ACP3: variants seen among roughly 807,000 people sequenced by gnomAD.
The protein encoded by ACP3 is acid phosphatase 3, also known as prostatic acid phosphatase.
Under a neutral mutation model 45.6 loss-of-function variants are expected in ACP3, and 38 were observed. The ratio of observed to expected loss-of-function variants is 0.83; its 90% CI spans 0.64 to 1.09. The LOEUF (loss-of-function observed/expected upper bound fraction) is 1.09, where lower values mean the gene tolerates loss of function less well. Ranked by LOEUF, ACP3 falls within the 50% of genes least tolerant of loss-of-function variation. The pLI is 0.00. For missense variants in ACP3, 466 were observed against 463.2 expected (o/e 1.01, Z -0.05); for synonymous variants, 162 against 164.7 (o/e 0.98, Z 0.13).
At chr3:132,353,988 C>G (rs1191693982) in intron 9 of ACP3, among the ~76,000 whole-genome samples, 4 of 152,152 alleles carry the variant, frequency 2.6e-5, no homozygotes, top group Non-Finnish European at 5.9e-5. Context: ...TGAACTAGAA[C>G]TAAAATGTGG....
intron 10 of ACP3, among the ~76,000 whole-genome samples, chr3:132,367,395 T>C (rs1938148179): frequency 6.6e-6 from 1 of 152,314 alleles, no homozygotes; most frequent in African/African-American, 2.4e-5. Flanking sequence ...GGACAATTGG[T>C]AATATAACTG....
At chr3:132,328,153 A>G in intron 1 of ACP3, 114 bp from the exon 2 acceptor site, 1 of 710,996 alleles carries the variant, frequency 1.4e-6, no homozygotes, top group Non-Finnish European at 2.3e-6. Flanking sequence ...ACGTGATTAC[A>G]ATGGGAAGCC....
rs146296028 is a variant in ACP3, at chr3:132,367,878, G to A, written c.*56G>A. 4.1e-5 allele frequency: 53 copies of A among 1,288,434 alleles called. No individual in the cohort carries two copies. The East Asian group carries it at 1.1e-3, about 28-fold the overall frequency. 79.8% of individuals were successfully genotyped at this position (1,288,434 alleles called of 1,614,324 possible). On this transcript the variant is annotated 3_prime_UTR_variant, in exon 11 of 11. Coordinates refer to the ACP3 transcript ENST00000351273. The stretch of plus-strand genomic sequence containing the variant: ...CTGTGACACAGCATCTCTCAGTGGT[G>A]CCGCATCTAAAGGACAGGCTTTTGC...
intron 10 of ACP3, chr3:132,367,667 T>G (rs1938151958): frequency 6.7e-7 from 1 of 1,488,230 alleles, no homozygotes; most frequent in Non-Finnish European, 9.4e-7. Context: ...TCCTAATGCA[T>G]TAATTTTACA....
intron 8 of ACP3, among the ~76,000 whole-genome samples, chr3:132,350,485 A>G (rs1937702951): frequency 6.6e-6 from 1 of 152,218 alleles, no homozygotes; most frequent in Admixed American, 6.5e-5. Flanking sequence ...TCAATATGGA[A>G]CCTAGTAGCC....
downstream of ACP3, among the ~76,000 whole-genome samples, chr3:132,363,426 A>G (rs1315175406): frequency 6.6e-6 from 1 of 152,174 alleles, no homozygotes; most frequent in Non-Finnish European, 1.5e-5. Flanking sequence ...AAGCCATGAG[A>G]TTGCCTTGAC....
rs1259044594 is a variant in ACP3 at position 132,337,281 on chromosome 3, C to T, written c.457-175C>T. 3 of 496,938 alleles carry T rather than the reference C, an allele frequency of 6.0e-6. No homozygotes were observed. The Admixed American group carries it at 1.0e-4, about 17-fold the overall frequency. The allele number at this position is 496,938 out of a possible 1,614,324, so 30.8% of individuals were successfully genotyped here. A position where few individuals can be genotyped will look rare whatever the true frequency, so the allele number is the denominator to read the frequency against. ...AATACATATCCTACTATTTTAAGACCTATAGATCATTTGATTCTTTCTCCC... is the reference window on the plus strand; with the variant it reads ...AATACATATCCTACTATTTTAAGACTTATAGATCATTTGATTCTTTCTCCC... On this transcript the variant is annotated intron_variant, in intron 4 of 9. Transcript: ENST00000336375.
In ACP3 at chr3:132,357,805, G is replaced by A; in HGVS notation, c.*927G>A. On this transcript the variant is annotated 3_prime_UTR_variant, in exon 10 of 10. Coordinates refer to ENST00000336375, the MANE Select transcript of ACP3 (RefSeq NM_001099.5). ...TCCCAGCATTTTGGGAGTCCGAGGT[G>A]GGCAGATCACTTGAGCTCAGGAGGT... is the stretch of plus-strand genomic sequence containing the variant. 1.1e-6 allele frequency: 1 copy of A among 918,942 alleles called. No individual in the cohort carries two copies. The allele number at this position is 918,942 out of a possible 1,614,324, so 56.9% of individuals were successfully genotyped here. A position where few individuals can be genotyped will look rare whatever the true frequency, so the allele number is the denominator to read the frequency against.
At chr3:132,348,227 G>A (rs1937638974) in intron 7 of ACP3, among the ~76,000 whole-genome samples, 1 of 152,098 alleles carries the variant, frequency 6.6e-6, no homozygotes, top group Non-Finnish European at 1.5e-5. Flanking sequence ...TGATATTTTT[G>A]TCTAGTTTAC....
chr3:132,344,482 C>T (rs956495626), intron 6 of ACP3, among the ~76,000 whole-genome samples: 2 of 151,590 alleles, frequency 1.3e-5, no homozygotes, highest in African/African-American at 4.8e-5. Context: ...GCAAACTAGA[C>T]CTTGATGGGG....
Position 132,337,065 on chromosome 3 carries a change from T to G in ACP3, c.457-391T>G, listed in dbSNP as rs545960241. ...TTCTCCATACATACATGCGTTGGGG[T>G]GTGTGTGTGTGTGTGTGTGTGTGTG... is the stretch of plus-strand genomic sequence containing the variant. On this transcript the variant is annotated intron_variant, in intron 4 of 9. Coordinates refer to ENST00000336375, the MANE Select transcript of ACP3 (RefSeq NM_001099.5). Among the ~76,000 whole-genome samples the G allele has an allele frequency of 1.4e-3, 119 of 86,758 alleles. No homozygotes were observed. The East Asian group carries it at 0.022, about 16-fold the overall frequency. 56.9% of individuals were successfully genotyped at this position (86,758 alleles called of 152,430 possible). A position where few individuals can be genotyped will look rare whatever the true frequency, so the allele number is the denominator to read the frequency against.
chr3:132,349,266 CAA>C (rs968490505), intron 7 of ACP3, among the ~76,000 whole-genome samples: 8 of 152,172 alleles, frequency 5.3e-5, no homozygotes, highest in South Asian at 2.1e-4. Context: ...GTGTGAAGAG[CAA>C]AAGTTTCCTC....
chr3:132,328,451 G>A, intron 2 of ACP3, 89 bp downstream of exon 2: 7 of 1,102,192 alleles, frequency 6.4e-6, no homozygotes, highest in Non-Finnish European at 9.4e-6. Flanking sequence ...GGCCGAGGCA[G>A]GCGGATCAAC....
rs143553537 is a variant in ACP3, at chr3:132,319,595, A to T, written c.120+2019A>T. Reference sequence around the variant, plus strand: ...TGGGCATCCTGTATGTTTATTTGCCAAATCTGGCAACCATTCTATAAAGTT... The same window carrying T: ...TGGGCATCCTGTATGTTTATTTGCCTAATCTGGCAACCATTCTATAAAGTT... On this transcript the variant is annotated intron_variant, in intron 1 of 9. Coordinates refer to ENST00000336375, the MANE Select transcript of ACP3 (RefSeq NM_001099.5). 2.3e-3 allele frequency among the ~76,000 whole-genome samples: 356 copies of T among 152,370 alleles called. 2 individuals carry two copies. The highest frequency in any genetic ancestry group is 8.3e-3 in the African/African-American group (344 of 41,592).
At chr3:132,342,516 T>C (rs376034535) in intron 5 of ACP3, 36 bp from the exon 6 acceptor site, 48 of 1,419,006 alleles carry the variant, frequency 3.4e-5, no homozygotes, top group Non-Finnish European at 4.2e-5. Flanking sequence ...CTGAGAAACC[T>C]GTGTAGGAAT....
At chr3:132,361,475 C>G (rs1456642886), downstream of ACP3, among the ~76,000 whole-genome samples, 1 of 152,146 alleles carries the variant, frequency 6.6e-6, no homozygotes, top group Non-Finnish European at 1.5e-5. Flanking sequence ...ATACCTAAGC[C>G]TCTAGATCAA....
At chr3:132,341,364 G>GT (rs1404416838) in intron 5 of ACP3, among the ~76,000 whole-genome samples, 1 of 152,052 alleles carries the variant, frequency 6.6e-6, no homozygotes, top group Non-Finnish European at 1.5e-5. Flanking sequence ...CTGAATGATT[G>GT]TTTTAACATT....
At chr3:132,323,353 T>G (rs1308432259) in intron 1 of ACP3, among the ~76,000 whole-genome samples, 1 of 152,112 alleles carries the variant, frequency 6.6e-6, no homozygotes, top group Non-Finnish European at 1.5e-5. Context: ...AGGCACTGTT[T>G]TGGGGTTATA....
intron 10 of ACP3, chr3:132,367,596 C>A: frequency 1.2e-6 from 1 of 824,536 alleles, no homozygotes. Context: ...GCCTCTTTAG[C>A]AACTCCTCTG....
Sources: gnomAD v4.1 joint callset for allele counts (sites outside exome capture counted in the v4.1 genomes callset) on GRCh38, gnomAD v4.1.1 for gene constraint, MANE v1.5 for transcripts, NCBI Gene and HGNC (gene_info 2026-07-23, HGNC 2026-07-21) for gene names.